Variants in LMX1A observed in about 807,000 individuals in gnomAD.
LMX1A encodes the protein LIM homeobox transcription factor 1 alpha.
LMX1A carries 15 observed loss-of-function variants against 49.1 expected under a neutral mutation model. That is an observed-to-expected ratio of 0.31 (90% CI 0.20 to 0.47). The LOEUF (loss-of-function observed/expected upper bound fraction) is 0.47. Among genes scored for constraint, LMX1A ranks in the 20% least tolerant of loss-of-function variants. The probability of loss-of-function intolerance (pLI) is 1.00; values close to 1 mark genes in which losing one functional copy is unlikely to be tolerated. For synonymous variants in LMX1A, 167 were observed against 185.7 expected (o/e 0.90, Z 0.82); for missense variants, 372 against 475.8 (o/e 0.78, Z 2.03).
At chr1:165,223,425 T>C (rs1193971368) in intron 4 of LMX1A, among the ~76,000 whole-genome samples, 1 of 152,228 alleles carries the variant, frequency 6.6e-6, no homozygotes. Flanking sequence ...ACCACTCTTT[T>C]AGACCCAGAA....
chr1:165,216,255 TAAG>T (rs1651638743), intron 4 of LMX1A: 2 of 151,850 alleles, frequency 1.3e-5, no homozygotes, highest in Non-Finnish European at 2.9e-5. Context: ...CTCAGGAAAA[TAAG>T]AAGATCCCAC....
At position 165,202,718 on chromosome 1, in the gene LMX1A, C is replaced by T. The variant is rs1254142408; in HGVS notation, c.*1162G>A. On this transcript the variant is annotated 3_prime_UTR_variant, in exon 9 of 9. Coordinates refer to ENST00000342310, the MANE Select transcript of LMX1A (RefSeq NM_177398.4). ...CCCCTCAGCCTTCACCTCCTCCCCA[C>T]TCTGGGACTCTGGGATCCCTCTGAA... is the stretch of plus-strand genomic sequence containing the variant. 6.6e-6 allele frequency: 1 copy of T among 152,502 alleles called. No individual in the cohort carries two copies. Among genetic ancestry groups the T allele is most frequent in the Non-Finnish European group, 1.5e-5 (1 of 68,224 alleles). The allele number at this position is 152,502 out of a possible 1,614,324, so 9.4% of individuals were successfully genotyped here.
At chr1:165,350,512 T>A (rs1656393845) in intron 3 of LMX1A, among the ~76,000 whole-genome samples, 1 of 151,374 alleles carries the variant, frequency 6.6e-6, no homozygotes, top group Non-Finnish European at 1.5e-5. Context: ...AAAAGCTTAC[T>A]GAATAAAGAA....
intron 3 of LMX1A, among the ~76,000 whole-genome samples, chr1:165,277,646 G>A (rs1654009672): frequency 6.6e-6 from 1 of 152,152 alleles, no homozygotes; most frequent in African/African-American, 2.4e-5. Context: ...TCAGATTCCT[G>A]GAATCCCCTG....
intron 3 of LMX1A, among the ~76,000 whole-genome samples, chr1:165,333,228 G>A (rs1046910430): frequency 6.6e-6 from 1 of 152,140 alleles, no homozygotes; most frequent in African/African-American, 2.4e-5. Flanking sequence ...AGCGATCTCG[G>A]CTCACCACAA....
chr1:165,289,659 G>A (rs917026531), intron 3 of LMX1A, among the ~76,000 whole-genome samples: 1 of 152,248 alleles, frequency 6.6e-6, no homozygotes. Context: ...TAGCACAAGA[G>A]GCTCTGGATA....
At position 165,264,622 on chromosome 1, in the gene LMX1A, A is replaced by C. The variant is rs571995640; in HGVS notation, c.264-14982T>G. On this transcript the variant is annotated intron_variant, in intron 3 of 8. Transcript: ENST00000342310. ...TGTCTGCATTTTGCTGCGGCAGTGC[A>C]CTCTCAGATCTTATAAGGTGAAACT... Among the ~76,000 whole-genome samples, 104 of 152,186 alleles carry C rather than the reference A, an allele frequency of 6.8e-4. 1 individual carries two copies. Among genetic ancestry groups the C allele is most frequent in the African/African-American group, 2.5e-3 (102 of 41,528 alleles).
At chr1:165,227,162 C>T (rs1013176831) in intron 4 of LMX1A, among the ~76,000 whole-genome samples, 2 of 152,062 alleles carry the variant, frequency 1.3e-5, no homozygotes, top group Non-Finnish European at 2.9e-5. Flanking sequence ...AATATTCTAG[C>T]ACAAGAGAGC....
intron 7 of LMX1A, chr1:165,207,571 A>C: frequency 6.5e-6 from 1 of 152,842 alleles, no homozygotes; most frequent in Non-Finnish European, 1.5e-5. Flanking sequence ...GCCTCCAGGA[A>C]TGGGTGTTGT....
intron 3 of LMX1A, among the ~76,000 whole-genome samples, chr1:165,324,681 C>T (rs2101746895): frequency 6.6e-6 from 1 of 152,176 alleles, no homozygotes; most frequent in Admixed American, 6.5e-5. Flanking sequence ...CCTAAAGGAG[C>T]ATAGCTCTTT....
chr1:165,306,055 G>A (rs1051396769), intron 3 of LMX1A, among the ~76,000 whole-genome samples: 2 of 152,164 alleles, frequency 1.3e-5, no homozygotes, highest in Admixed American at 6.5e-5. Flanking sequence ...GAAAAAGTCA[G>A]CTTTCTCATT....
intron 3 of LMX1A, among the ~76,000 whole-genome samples, chr1:165,298,179 C>T (rs555561093): frequency 2.6e-5 from 4 of 152,166 alleles, no homozygotes; most frequent in African/African-American, 9.7e-5. Flanking sequence ...CATTAGAGCC[C>T]GCCAGCGCCT....
chr1:165,273,777 T>A (rs145202688), intron 3 of LMX1A, among the ~76,000 whole-genome samples: 10 of 152,206 alleles, frequency 6.6e-5, no homozygotes, highest in Admixed American at 1.3e-4. Context: ...TGAAAAAAAC[T>A]AAGTGACAAT....
At chr1:165,347,426 C>A (rs1656284820) in intron 3 of LMX1A, among the ~76,000 whole-genome samples, 1 of 152,226 alleles carries the variant, frequency 6.6e-6, no homozygotes, top group South Asian at 2.1e-4. Context: ...AGCCTTTCTG[C>A]TTCTATGCAG....
intron 3 of LMX1A, among the ~76,000 whole-genome samples, chr1:165,260,257 G>A (rs1179724392): frequency 3.3e-5 from 5 of 152,046 alleles, no homozygotes; most frequent in African/African-American, 1.2e-4. Flanking sequence ...GATTCCTATT[G>A]TTCCACAATT....
intron 3 of LMX1A, among the ~76,000 whole-genome samples, chr1:165,347,153 C>A (rs1656274576): frequency 6.6e-6 from 1 of 152,144 alleles, no homozygotes; most frequent in South Asian, 2.1e-4. Context: ...ACAAAGTCTC[C>A]CTCTCTTTCA....
At chr1:165,330,434 G>A (rs926475639) in intron 3 of LMX1A, among the ~76,000 whole-genome samples, 8 of 152,222 alleles carry the variant, frequency 5.3e-5, no homozygotes, top group African/African-American at 1.9e-4. Context: ...TCATGCCACT[G>A]CACTCCAGCC....
intron 3 of LMX1A, among the ~76,000 whole-genome samples, chr1:165,255,992 G>A (rs1423375276): frequency 1.3e-5 from 2 of 151,852 alleles, no homozygotes; most frequent in Non-Finnish European, 2.9e-5. Context: ...AAAGAATGTT[G>A]TGAGTTCCAT....
intron 4 of LMX1A, among the ~76,000 whole-genome samples, chr1:165,223,464 C>G (rs904981342): frequency 1.3e-5 from 2 of 152,072 alleles, no homozygotes; most frequent in Non-Finnish European, 2.9e-5. Context: ...ATCAAGAGAG[C>G]CTTTGCCTTC....
Sources: gnomAD v4.1 joint callset for allele counts (sites outside exome capture counted in the v4.1 genomes callset) on GRCh38, gnomAD v4.1.1 for gene constraint, MANE v1.5 for transcripts, NCBI Gene and HGNC (gene_info 2026-07-23, HGNC 2026-07-21) for gene names.